CSMD1: variants seen among roughly 807,000 people sequenced by gnomAD.
The protein encoded by CSMD1 is CUB and Sushi multiple domains 1, also known as CUB and sushi domain-containing protein 1.
In CSMD1, 213 loss-of-function variants were observed where a neutral mutation model predicts 417.5. That is an observed-to-expected ratio of 0.51 (90% CI 0.46 to 0.57). CSMD1 has a LOEUF of 0.57. Among genes scored for constraint, CSMD1 ranks in the 20% least tolerant of loss-of-function variants. The pLI is 0.00. For synonymous variants in CSMD1, 2,862 were observed against 1,736.8 expected, an observed-to-expected ratio of 1.65 and a Z score of -16.11; for missense variants, 6,923 against 4,529.7, an observed-to-expected ratio of 1.53 and a Z score of -15.17.
At chr8:4,306,578 G>T (rs1489953153) in intron 3 of CSMD1, among the ~76,000 whole-genome samples, 2 of 152,078 alleles carry the variant, frequency 1.3e-5, no homozygotes, top group African/African-American at 2.4e-5. Flanking sequence ...CCTGCCCATG[G>T]TGTATTAAGC....
At chr8:4,577,435 G>T (rs1211556799) in intron 2 of CSMD1, among the ~76,000 whole-genome samples, 1 of 152,074 alleles carries the variant, frequency 6.6e-6, no homozygotes, top group Non-Finnish European at 1.5e-5. Context: ...CTGCTCTCAG[G>T]AACCCAACAG....
At chr8:4,378,917 C>G (rs1802923462) in intron 3 of CSMD1, among the ~76,000 whole-genome samples, 1 of 152,192 alleles carries the variant, frequency 6.6e-6, no homozygotes, top group African/African-American at 2.4e-5. Flanking sequence ...TTGGACTTCC[C>G]AGCCCCTGGA....
chr8:4,404,448 G>A (rs926552283), intron 3 of CSMD1, among the ~76,000 whole-genome samples: 2 of 152,128 alleles, frequency 1.3e-5, no homozygotes, highest in Non-Finnish European at 2.9e-5. Context: ...AGCAACGAAA[G>A]TAATTTTTGC....
chr8:3,190,598 C>A (rs1287256855), intron 33 of CSMD1, among the ~76,000 whole-genome samples: 1 of 152,132 alleles, frequency 6.6e-6, no homozygotes, highest in African/African-American at 2.4e-5. Flanking sequence ...TAATAAAAAT[C>A]TTAAACTACC....
chr8:3,234,634 A>C (rs1443006957), intron 26 of CSMD1, among the ~76,000 whole-genome samples: 1 of 152,242 alleles, frequency 6.6e-6, no homozygotes, highest in African/African-American at 2.4e-5. Context: ...AGGGAAATCC[A>C]AGCATATTAC....
At chr8:4,304,968 C>T (rs1185037424) in intron 3 of CSMD1, among the ~76,000 whole-genome samples, 2 of 152,128 alleles carry the variant, frequency 1.3e-5, no homozygotes, top group African/African-American at 4.8e-5. Flanking sequence ...GCTACACTAA[C>T]GTCTGGATGG....
intron 1 of CSMD1, among the ~76,000 whole-genome samples, chr8:4,710,066 A>C (rs1470377058): frequency 1.3e-5 from 2 of 152,146 alleles, no homozygotes; most frequent in African/African-American, 4.8e-5. Context: ...GATTTGGAAA[A>C]TCTGGGGCAA....
intron 2 of CSMD1, among the ~76,000 whole-genome samples, chr8:4,561,188 G>A (rs1226014199): frequency 6.6e-6 from 1 of 152,136 alleles, no homozygotes; most frequent in Non-Finnish European, 1.5e-5. Context: ...TGGCCAACCT[G>A]GTGAAACCCC....
At chr8:4,197,798 G>A (rs1336262070) in intron 3 of CSMD1, among the ~76,000 whole-genome samples, 1 of 152,090 alleles carries the variant, frequency 6.6e-6, no homozygotes, top group East Asian at 1.9e-4. Context: ...AGGATTGCTT[G>A]AACCCAGGAG....
chr8:3,278,797 C>G (rs989620508), intron 26 of CSMD1: 1 of 152,046 alleles, frequency 6.6e-6, no homozygotes, highest in Non-Finnish European at 1.5e-5. Flanking sequence ...GAGTTTCCCA[C>G]CTTTGGTTTG....
chr8:3,970,618 C>G (rs1270973813), intron 5 of CSMD1, among the ~76,000 whole-genome samples: 1 of 152,172 alleles, frequency 6.6e-6, no homozygotes, highest in Non-Finnish European at 1.5e-5. Flanking sequence ...TAGGGAAACT[C>G]AAGAGGAATC....
intron 17 of CSMD1, among the ~76,000 whole-genome samples, chr8:3,395,334 T>C (rs1811619875): frequency 6.6e-6 from 1 of 152,176 alleles, no homozygotes; most frequent in African/African-American, 2.4e-5. Flanking sequence ...GTGCTACTCT[T>C]TGAGGGAAGT....
At chr8:3,779,148 CTTGT>C (rs1310643208) in intron 5 of CSMD1, among the ~76,000 whole-genome samples, 4 of 115,268 alleles carry the variant, frequency 3.5e-5, no homozygotes, top group East Asian at 2.8e-4. Context: ...TGCGTGCATA[CTTGT>C]GTGTGTGTGT....
chr8:3,949,918 G>C (rs767801556), intron 5 of CSMD1: 6 of 455,934 alleles, frequency 1.3e-5, no homozygotes, highest in Admixed American at 4.7e-5. Flanking sequence ...TCCAGGTGTT[G>C]AGGCAGGACG....
intron 11 of CSMD1, among the ~76,000 whole-genome samples, chr8:3,488,109 A>ATTT (rs563660010): frequency 9.5e-4 from 142 of 150,186 alleles, no homozygotes; most frequent in African/African-American, 3.3e-3. Flanking sequence ...TATTATTATT[A>ATTT]TTTTTCTTTT....
chr8:4,985,141 A>G (rs1216355143), intron 1 of CSMD1, among the ~76,000 whole-genome samples: 6 of 152,200 alleles, frequency 3.9e-5, no homozygotes, highest in South Asian at 2.1e-4. Flanking sequence ...GTTCTCACTT[A>G]TAAGTGGGAG....
intron 12 of CSMD1, among the ~76,000 whole-genome samples, chr8:3,425,297 T>C (rs762456336): frequency 1.3e-5 from 2 of 152,104 alleles, no homozygotes; most frequent in African/African-American, 4.8e-5. Context: ...ATGTTGAAAA[T>C]GCCCTGTCCC....
intron 4 of CSMD1, among the ~76,000 whole-genome samples, chr8:4,023,747 C>T (rs188614822): frequency 4.3e-5 from 6 of 139,126 alleles, no homozygotes; most frequent in Non-Finnish European, 7.6e-5. Flanking sequence ...CCGCTACGCT[C>T]GGCTAATTTT....
chr8:2,999,177 T>A (rs1163422217), intron 53 of CSMD1, among the ~76,000 whole-genome samples: 1 of 134,838 alleles, frequency 7.4e-6, no homozygotes, highest in East Asian at 2.2e-4. Flanking sequence ...TTTTTTGAGA[T>A]AGAGTCTTGG....
Sources: allele counts gnomAD v4.1 joint callset (sites outside exome capture counted in the v4.1 genomes callset), GRCh38; gene constraint gnomAD v4.1.1; transcripts MANE v1.5; gene names NCBI Gene and HGNC (gene_info 2026-07-23, HGNC 2026-07-21).